The following MLPH variants were observed in gnomAD, a reference collection of about 807,000 sequenced individuals.
The protein encoded by MLPH is exophilin-3.
A neutral mutation model predicts 72.1 loss-of-function variants in MLPH; 51 were observed. That is an observed-to-expected ratio of 0.71 (90% CI 0.56 to 0.89). The LOEUF (loss-of-function observed/expected upper bound fraction) is 0.89. MLPH is among the 40% of genes least tolerant of loss of function. MLPH has a pLI of 0.00. For synonymous variants in MLPH, 301 were observed against 310.1 expected (o/e 0.97, Z 0.31); for missense variants, 743 against 759.9 (o/e 0.98, Z 0.26).
intron 2 of MLPH, among the ~76,000 whole-genome samples, chr2:237,501,675 A>C (rs1318111239): frequency 7.6e-5 from 10 of 131,388 alleles, no homozygotes; most frequent in African/African-American, 3.5e-4. Flanking sequence ...AAAAAAAAAA[A>C]AAAAAAAAAA....
chr2:237,527,582 C>T, intron 8 of MLPH, 66 bp downstream of exon 8: 7 of 1,588,326 alleles, frequency 4.4e-6, no homozygotes, highest in Non-Finnish European at 6.0e-6. Context: ...ACCTCCACAC[C>T]AAGTCACTTT....
At chr2:237,537,631 C>T (rs945645196) in intron 9 of MLPH, 4 of 152,304 alleles carry the variant, frequency 2.6e-5, no homozygotes, top group African/African-American at 9.6e-5. Context: ...TAATCATCCC[C>T]TTGGTGTTCG....
intron 13 of MLPH, among the ~76,000 whole-genome samples, chr2:237,548,893 G>C (rs1475874417): frequency 6.6e-6 from 1 of 152,032 alleles, no homozygotes; most frequent in South Asian, 2.1e-4. Context: ...AAAAAAAGAA[G>C]TGAATTAATT....
chr2:237,514,091 T>A (rs2079964348), intron 4 of MLPH, among the ~76,000 whole-genome samples: 1 of 152,046 alleles, frequency 6.6e-6, no homozygotes, highest in Non-Finnish European at 1.5e-5. Flanking sequence ...GAAAGAAGAT[T>A]ATATAACAAG....
chr2:237,508,600 C>T (rs1480326949), intron 2 of MLPH, among the ~76,000 whole-genome samples: 1 of 152,172 alleles, frequency 6.6e-6, no homozygotes, highest in Non-Finnish European at 1.5e-5. Flanking sequence ...GTGACTCACC[C>T]CCCTAAAGGA....
chr2:237,491,056 A>G lies in MLPH; in HGVS notation c.-24-2347A>G, dbSNP rs534131227. On this transcript the variant is annotated intron_variant, in intron 1 of 15. Coordinates refer to ENST00000264605, the MANE Select transcript of MLPH (RefSeq NM_024101.7). Reference sequence around the variant, plus strand: ...TGTAGACATTTTTATTTTAAATGGTATCTGCCCAGAAAATGTCCCTTTTCA... The same window carrying G: ...TGTAGACATTTTTATTTTAAATGGTGTCTGCCCAGAAAATGTCCCTTTTCA... Among the ~76,000 whole-genome samples the G allele has an allele frequency of 1.9e-4, 29 of 152,308 alleles. No individual in the cohort carries two copies. The South Asian group carries it at 3.7e-3, about 20-fold the overall frequency.
At chr2:237,534,425 CAGGCCATGTCATGGGTGGT>C (rs1406961284) in intron 8 of MLPH, 120 bp from the exon 9 acceptor site, 1 of 750,298 alleles carries the variant, frequency 1.3e-6, no homozygotes, top group Non-Finnish European at 2.4e-6. Context: ...TTAACCTTCC[CAGGCCATGTCATGGGTGGT>C]GGCCTTAGCT....
intron 6 of MLPH, among the ~76,000 whole-genome samples, chr2:237,524,653 T>C (rs2080263043): frequency 2.6e-5 from 4 of 152,174 alleles, no homozygotes; most frequent in Admixed American, 2.6e-4. Context: ...AGGAACAATA[T>C]TGCATCCCTC....
At position 237,505,399 on chromosome 2, in the gene MLPH, G is replaced by C. The variant is rs1170370946; in HGVS notation, c.111-5175G>C. On this transcript the variant is annotated intron_variant, in intron 2 of 15. Coordinates refer to ENST00000264605, the MANE Select transcript of MLPH (RefSeq NM_024101.7). The surrounding 1 kb of genome is among the most constrained non-coding windows in gnomAD (Gnocchi z 4.5). ...GCAGTCCTGCTGGAGCATGGTTTAA[G>C]GATCACAGGGATGTGGATTCCCCAC... Among the ~76,000 whole-genome samples, 1 of 152,146 alleles carries C rather than the reference G, an allele frequency of 6.6e-6. No individual in the cohort carries two copies. Among genetic ancestry groups the C allele is most frequent in the Non-Finnish European group, 1.5e-5 (1 of 68,030 alleles).
rs377673050 is a variant in MLPH at position 237,505,196 on chromosome 2, G to A, written c.111-5378G>A. 1.1e-4 allele frequency among the ~76,000 whole-genome samples: 16 copies of A among 152,198 alleles called. No homozygotes were observed. The highest frequency in any genetic ancestry group is 3.9e-4 in the African/African-American group (16 of 41,450). ...CTTGCTGGTCCTGATGCAGAGTGGA[G>A]GGCAGGTCAGCTTGCAGGATGGGGA... On this transcript the variant is annotated intron_variant, in intron 2 of 15. Transcript: ENST00000264605. The surrounding 1 kb of genome is among the most constrained non-coding windows in gnomAD (Gnocchi z 4.5).
chr2:237,537,024 G>C (rs570688376), intron 9 of MLPH, among the ~76,000 whole-genome samples: 4 of 152,366 alleles, frequency 2.6e-5, no homozygotes, highest in Admixed American at 2.6e-4. Flanking sequence ...CTCGCGGAAT[G>C]GCCCTCTGGG....
At chr2:237,523,020 A>T (rs1284261117) in intron 6 of MLPH, among the ~76,000 whole-genome samples, 2 of 152,228 alleles carry the variant, frequency 1.3e-5, no homozygotes, top group African/African-American at 4.8e-5. Flanking sequence ...TATTGTGATG[A>T]GGAAAATAAG....
At chr2:237,550,779 C>T (rs148629284) in intron 14 of MLPH, among the ~76,000 whole-genome samples, 7,352 of 152,206 alleles carry the variant, frequency 0.048, 588 homozygotes, top group African/African-American at 0.17. Flanking sequence ...GAACTCCTGA[C>T]GTCAGATGAT....
chr2:237,508,219 C>G (rs2079817296), intron 2 of MLPH, among the ~76,000 whole-genome samples: 4 of 152,174 alleles, frequency 2.6e-5, no homozygotes, highest in Non-Finnish European at 5.9e-5. Context: ...TCAAGCGACT[C>G]TCCTGCCTCA....
intron 8 of MLPH, among the ~76,000 whole-genome samples, chr2:237,533,584 C>T (rs1317321740): frequency 2.0e-5 from 3 of 152,014 alleles, no homozygotes; most frequent in Non-Finnish European, 2.9e-5. Context: ...GTAGAGATGG[C>T]GTTCGCCATG....
intron 13 of MLPH, among the ~76,000 whole-genome samples, chr2:237,548,889 A>T (rs182495188): frequency 1.3e-5 from 2 of 152,316 alleles, no homozygotes; most frequent in East Asian, 3.9e-4. Flanking sequence ...AAACAAAAAA[A>T]GAAGTGAATT....
chr2:237,513,653 A>G (rs2079954566), intron 4 of MLPH, among the ~76,000 whole-genome samples: 1 of 152,120 alleles, frequency 6.6e-6, no homozygotes, highest in South Asian at 2.1e-4. Flanking sequence ...GACCAACACT[A>G]AAAGGATCCC....
chr2:237,496,722 G>A (rs964616220), intron 2 of MLPH, among the ~76,000 whole-genome samples: 1 of 152,198 alleles, frequency 6.6e-6, no homozygotes, highest in East Asian at 1.9e-4. Flanking sequence ...ATTAGGGGGG[G>A]GCTTGTTAAG....
chr2:237,537,908 C>G (rs897208326), intron 9 of MLPH, among the ~76,000 whole-genome samples: 1 of 152,182 alleles, frequency 6.6e-6, no homozygotes, highest in Non-Finnish European at 1.5e-5. Context: ...CATCTCTGCG[C>G]GGCCCTCGCC....
Sources: gnomAD v4.1 joint callset for allele counts (sites outside exome capture counted in the v4.1 genomes callset) on GRCh38, gnomAD v4.1.1 for gene constraint, Gnocchi (gnomAD v3.1) non-coding constraint, MANE v1.5 for transcripts, NCBI Gene and HGNC (gene_info 2026-07-23, HGNC 2026-07-21) for gene names.